Variants in TEX101 observed in about 807,000 individuals in gnomAD.
The protein encoded by TEX101 is testis-expressed protein 101.
A neutral mutation model predicts 18.1 loss-of-function variants in TEX101; 10 were observed. The ratio of observed to expected loss-of-function variants is 0.55; its 90% confidence interval spans 0.34 to 0.94. The LOEUF is 0.94. Ranked by LOEUF, TEX101 falls within the 40% of genes least tolerant of loss-of-function variation. The probability of loss-of-function intolerance (pLI) is 0.02; values close to 1 mark genes in which losing one functional copy is unlikely to be tolerated. For synonymous variants in TEX101, 94 were observed against 114.8 expected (o/e 0.82, Z 1.16); for missense variants, 259 against 298.9 (o/e 0.87, Z 0.98).
At chr19:43,415,524 G>A (rs1443016390) in intron 1 of TEX101, among the ~76,000 whole-genome samples, 1 of 152,084 alleles carries the variant, frequency 6.6e-6, no homozygotes, top group African/African-American at 2.4e-5. Flanking sequence ...CACTATGGGG[G>A]GACGAGGCGG....
upstream of TEX101, among the ~76,000 whole-genome samples, chr19:43,397,870 A>G (rs1204631535): frequency 4.9e-4 from 45 of 91,904 alleles, no homozygotes; most frequent in African/African-American, 2.0e-3. Context: ...AATATATAAT[A>G]TATAAAAATA....
At chr19:43,418,081 T>C (rs188321933) in intron 5 of TEX101, 75 bp downstream of exon 5, 13 of 1,612,550 alleles carry the variant, frequency 8.1e-6, no homozygotes, top group African/African-American at 8.0e-5. Flanking sequence ...ATTCTGACAC[T>C]GAGCTCTCCA....
At chr19:43,396,556 T>C (rs1568453693), upstream of TEX101, among the ~76,000 whole-genome samples, 3 of 152,200 alleles carry the variant, frequency 2.0e-5, no homozygotes, top group African/African-American at 7.2e-5. Context: ...CTCACATGCC[T>C]TCCACCACTG....
chr19:43,404,869 T>A (rs1184927776), intron 2 of TEX101, among the ~76,000 whole-genome samples: 2 of 152,116 alleles, frequency 1.3e-5, no homozygotes, highest in Admixed American at 6.6e-5. Context: ...ACAAAGGTAT[T>A]TTCAGCAAAA....
the TEX101 span, among the ~76,000 whole-genome samples, chr19:43,393,079 G>GGAAGGAAGGAAA: frequency 1.4e-5 from 2 of 146,052 alleles, no homozygotes; most frequent in Non-Finnish European, 3.0e-5. Context: ...AAGAAGGGAA[G>GGAAGGAAGGAAA]GAAGGAAGGA....
chr19:43,401,181 A>T (rs1412169456), upstream of TEX101, among the ~76,000 whole-genome samples: 1 of 152,268 alleles, frequency 6.6e-6, no homozygotes, highest in Non-Finnish European at 1.5e-5. Flanking sequence ...ATCCACCTAA[A>T]TAAAAAAATT....
upstream of TEX101, among the ~76,000 whole-genome samples, chr19:43,414,670 G>C (rs528890528): frequency 4.6e-5 from 7 of 152,284 alleles, no homozygotes; most frequent in African/African-American, 1.2e-4. Flanking sequence ...CCTCCATTGC[G>C]TGCCTCTGGC....
the TEX101 span, among the ~76,000 whole-genome samples, chr19:43,394,706 G>A: frequency 3.3e-5 from 5 of 152,204 alleles, no homozygotes; most frequent in Admixed American, 6.5e-5. Context: ...TCTTGACCTC[G>A]TGATCCGCCT....
upstream of TEX101, among the ~76,000 whole-genome samples, chr19:43,400,973 C>G (rs1489029692): frequency 6.6e-6 from 1 of 152,058 alleles, no homozygotes; most frequent in East Asian, 1.9e-4. Context: ...CCCACAGACC[C>G]AATTCTTTGA....
upstream of TEX101, among the ~76,000 whole-genome samples, chr19:43,412,899 C>T (rs1218529198): frequency 3.3e-5 from 5 of 152,084 alleles, no homozygotes; most frequent in African/African-American, 9.7e-5. Flanking sequence ...CCTCCTCCCC[C>T]GACCTTGCCT....
At chr19:43,410,381 A>G (rs1970407868), upstream of TEX101, among the ~76,000 whole-genome samples, 1 of 152,124 alleles carries the variant, frequency 6.6e-6, no homozygotes, top group Non-Finnish European at 1.5e-5. Flanking sequence ...AAGAGGCTGG[A>G]AGAGACTAGG....
chr19:43,393,804 G>C, the TEX101 span, among the ~76,000 whole-genome samples: 1 of 150,042 alleles, frequency 6.7e-6, no homozygotes, highest in Non-Finnish European at 1.5e-5. Context: ...TGCGGAGCAG[G>C]GGTTCAAACC....
intron 1 of TEX101, among the ~76,000 whole-genome samples, 173 bp from the exon 2 acceptor site, chr19:43,415,708 C>T (rs920581285): frequency 6.6e-6 from 1 of 151,292 alleles, no homozygotes; most frequent in Non-Finnish European, 1.5e-5. Context: ...GGCAGTGAGC[C>T]GAGATTGCGC....
At chr19:43,397,849 T>TAAA (rs1970282353), upstream of TEX101, among the ~76,000 whole-genome samples, 1 of 107,014 alleles carries the variant, frequency 9.3e-6, no homozygotes, top group African/African-American at 3.6e-5. Flanking sequence ...TATAAATATA[T>TAAA]AATATATATA....
chr19:43,395,035 G>A, the TEX101 span, among the ~76,000 whole-genome samples: 5 of 152,172 alleles, frequency 3.3e-5, no homozygotes, highest in Admixed American at 3.3e-4. Flanking sequence ...GAAACTCAAA[G>A]AAATGGTTAG....
rs577261481 is a variant in TEX101 at position 43,401,746 on chromosome 19, A to G, written c.-377+185A>G. Among the ~76,000 whole-genome samples, 11 of 152,254 alleles carry G rather than the reference A, an allele frequency of 7.2e-5. No individual in the cohort carries two copies. The East Asian group carries it at 2.1e-3, about 29-fold the overall frequency. On this transcript the variant is annotated intron_variant, in intron 1 of 7. Transcript: ENST00000602198. ...CAAATGCCTGTAATCCCAGCTACTC[A>G]GGAGGCTGAGGCAGGAGAATAGCTT...
At chr19:43,402,968 A>C (rs1970331268) in intron 2 of TEX101, 1 of 152,122 alleles carries the variant, frequency 6.6e-6, no homozygotes, top group African/African-American at 2.4e-5. Context: ...TCAATTCTTA[A>C]CCCCTTAAAA....
chr19:43,409,432 T>G (rs963091595), intron 3 of TEX101, among the ~76,000 whole-genome samples: 9 of 152,124 alleles, frequency 5.9e-5, no homozygotes, highest in Non-Finnish European at 1.2e-4. Context: ...CCTAACAATG[T>G]TAACAGGCCA....
At chr19:43,406,276 G>A in exon 3 of TEX101, 2 of 516,452 alleles carry the variant, frequency 3.9e-6, no homozygotes, top group Non-Finnish European at 6.8e-6. Flanking sequence ...AAGGGCAGGA[G>A]CAACCGTGAC....
Sources: gnomAD v4.1 joint callset for allele counts (sites outside exome capture counted in the v4.1 genomes callset) on GRCh38, gnomAD v4.1.1 for gene constraint, MANE v1.5 for transcripts, NCBI Gene and HGNC (gene_info 2026-07-23, HGNC 2026-07-21) for gene names.